Variants in PUM3 observed in about 807,000 individuals in gnomAD.
PUM3 encodes pumilio homolog 3.
PUM3 carries 91 observed loss-of-function variants against 84.0 expected under a neutral mutation model. The observed-to-expected ratio is 1.08, with a 90% CI of 0.91 to 1.29. PUM3 has a LOEUF of 1.29. Among genes scored for constraint, PUM3 ranks in the 50% most tolerant of loss-of-function variants. The pLI is 0.00. For synonymous variants in PUM3, 321 were observed against 266.7 expected, an observed-to-expected ratio of 1.20 and a Z score of -1.98; for missense variants, 1,067 against 767.5, an observed-to-expected ratio of 1.39 and a Z score of -4.61.
At position 2,823,836 on chromosome 9, in the gene PUM3, T is replaced by C; in HGVS notation, c.1135-2A>G. ...TGTTTTCACAATCACTTTCCTGTCC[T>C]TAAAAAGGAAAGATTGTCTCACTGA... On this transcript the variant is annotated splice_acceptor_variant, in intron 11 of 17. Transcript: ENST00000397885. LOFTEE classifies it high-confidence loss of function. The C allele has an allele frequency of 6.6e-7, 1 of 1,515,358 alleles. No homozygotes were observed. The highest frequency in any genetic ancestry group is 9.0e-7 in the Non-Finnish European group (1 of 1,111,880). The allele number at this position is 1,515,358 out of a possible 1,614,324, so 93.9% of individuals were successfully genotyped here.
At position 2,837,293 on chromosome 9, in the gene PUM3, C is replaced by T. The variant is rs751901387; in HGVS notation, c.191G>A (p.Gly64Asp). 1.9e-6 allele frequency: 3 copies of T among 1,614,058 alleles called. No individual in the cohort carries two copies. Among genetic ancestry groups the T allele is most frequent in the South Asian group, 2.2e-5 (2 of 91,080 alleles). The change falls in exon 3 of 18, where the codon GGT (glycine) becomes GAT (aspartate). Residue 64 changes from glycine (G) to aspartate (D), a missense_variant. By Grantham distance (94) the Gly-to-Asp change is moderately conservative. Transcript: ENST00000397885. ...EKSITKLGKK[G>D]VKQFKNKQQG... ...CTGCTTATTCTTGAACTGCTTTACA[C>T]CCTTTTTCCCAAGTTTTGTGATACT...
chr9:2,827,045 A>C, intron 10 of PUM3, 28 bp downstream of exon 10: 1 of 1,565,100 alleles, frequency 6.4e-7, no homozygotes, highest in Non-Finnish European at 8.8e-7. Flanking sequence ...TCCATGTTTT[A>C]GTTTAAAAAC....
At chr9:2,833,815 T>C (rs1476990263) in intron 4 of PUM3, among the ~76,000 whole-genome samples, 4 of 152,220 alleles carry the variant, frequency 2.6e-5, no homozygotes, top group Non-Finnish European at 5.9e-5. Context: ...ACCTCATACA[T>C]TTTCATAAGC....
At chr9:2,806,045 C>A (rs1430686851) in intron 17 of PUM3, among the ~76,000 whole-genome samples, 4 of 152,348 alleles carry the variant, frequency 2.6e-5, no homozygotes, top group African/African-American at 9.6e-5. Context: ...AATATTTCCT[C>A]TGCTCCTGTT....
intron 13 of PUM3, among the ~76,000 whole-genome samples, chr9:2,819,326 A>G (rs898953397): frequency 1.3e-5 from 2 of 152,234 alleles, no homozygotes; most frequent in African/African-American, 4.8e-5. Flanking sequence ...TAAGAGGACA[A>G]TTGGTTTTTC....
intron 5 of PUM3, among the ~76,000 whole-genome samples, chr9:2,831,647 G>A (rs1815984218): frequency 2.6e-5 from 4 of 152,096 alleles, no homozygotes; most frequent in Admixed American, 2.6e-4. Flanking sequence ...TGATTATACA[G>A]ACTATACTTC....
intron 13 of PUM3, among the ~76,000 whole-genome samples, chr9:2,816,096 A>G (rs1821462233): frequency 6.6e-6 from 1 of 151,988 alleles, no homozygotes; most frequent in Non-Finnish European, 1.5e-5. Flanking sequence ...GAAATGTAAA[A>G]ATCAACCCAT....
At chr9:2,811,169 C>G (rs1281668043) in intron 15 of PUM3, among the ~76,000 whole-genome samples, 192 bp downstream of exon 15, 1 of 152,184 alleles carries the variant, frequency 6.6e-6, no homozygotes, top group Non-Finnish European at 1.5e-5. Context: ...AAAACATTCC[C>G]AAGTACCAGG....
chr9:2,806,864 AT>A (rs1196564627), intron 17 of PUM3, among the ~76,000 whole-genome samples: 4 of 152,224 alleles, frequency 2.6e-5, no homozygotes, highest in Non-Finnish European at 4.4e-5. Flanking sequence ...ATTAGGCATG[AT>A]TTAAAAGTCA....
At chr9:2,815,314 C>T (rs1331770273) in intron 13 of PUM3, among the ~76,000 whole-genome samples, 2 of 152,136 alleles carry the variant, frequency 1.3e-5, no homozygotes, top group African/African-American at 2.4e-5. Flanking sequence ...TTTCCCCTAC[C>T]ATCAAAAACA....
intron 16 of PUM3, 73 bp downstream of exon 16, chr9:2,810,270 AT>A (rs1821338308): frequency 1.0e-6 from 1 of 975,554 alleles, no homozygotes; most frequent in Admixed American, 1.8e-5. Flanking sequence ...AATGGCTGGT[AT>A]AAAGTTCAGG....
chr9:2,831,226 A>G, intron 6 of PUM3, 25 bp downstream of exon 6: 3 of 1,432,478 alleles, frequency 2.1e-6, no homozygotes, highest in East Asian at 2.3e-5. Flanking sequence ...AAATGATAAC[A>G]TAATCTTTAG....
chr9:2,810,223 C>G, intron 16 of PUM3, 121 bp downstream of exon 16: 1 of 663,906 alleles, frequency 1.5e-6, no homozygotes, highest in East Asian at 2.9e-5. Context: ...TTCACAGACA[C>G]CATTTCTAGA....
chr9:2,815,539 C>G (rs763992276), intron 13 of PUM3, among the ~76,000 whole-genome samples: 1 of 152,230 alleles, frequency 6.6e-6, no homozygotes, highest in Non-Finnish European at 1.5e-5. Context: ...CCATTAAACT[C>G]TTTGCATATT....
chr9:2,812,187 A>T, intron 14 of PUM3, 33 bp downstream of exon 14: 1 of 1,593,464 alleles, frequency 6.3e-7, no homozygotes, highest in East Asian at 2.2e-5. Flanking sequence ...TAACAGAGGA[A>T]TAAAGAAGTC....
At chr9:2,836,799 T>TTG (rs879746260) in intron 3 of PUM3, among the ~76,000 whole-genome samples, 1 of 152,008 alleles carries the variant, frequency 6.6e-6, no homozygotes, top group South Asian at 2.1e-4. Flanking sequence ...CTGATTATTT[T>TTG]TGTGTGTGTG....
intron 17 of PUM3, among the ~76,000 whole-genome samples, chr9:2,807,596 A>C (rs914961326): frequency 1.5e-5 from 1 of 65,160 alleles, no homozygotes; most frequent in African/African-American, 7.0e-5. Flanking sequence ...GTGAGACTCC[A>C]TCTCAAAAAA....
chr9:2,804,513 C>T (rs770315382), intron 17 of PUM3, 50 bp from the exon 18 acceptor site: 34 of 1,556,616 alleles, frequency 2.2e-5, no homozygotes, highest in Admixed American at 9.0e-5. Flanking sequence ...AGATCATCTC[C>T]AATACTACCT....
intron 16 of PUM3, among the ~76,000 whole-genome samples, chr9:2,809,809 AC>A (rs1821328870): frequency 1.3e-5 from 2 of 152,350 alleles, no homozygotes; most frequent in Middle Eastern, 3.4e-3. Flanking sequence ...TGTAAGGCTT[AC>A]AAAAAACCAG....
Sources: gnomAD v4.1 joint callset for allele counts (sites outside exome capture counted in the v4.1 genomes callset) on GRCh38, gnomAD v4.1.1 for gene constraint, MANE v1.5 for transcripts, NCBI Gene and HGNC (gene_info 2026-07-23, HGNC 2026-07-21) for gene names.